GDPD5: variants seen among roughly 807,000 people sequenced by gnomAD.
GDPD5 encodes the protein glycerophosphodiester phosphodiesterase domain containing 5, also known as glycerophosphodiester phosphodiesterase 2.
GDPD5 carries 48 observed loss-of-function variants against 75.1 expected under a neutral mutation model. The ratio of observed to expected loss-of-function variants is 0.64; its 90% CI spans 0.51 to 0.81. The LOEUF (loss-of-function observed/expected upper bound fraction) is 0.81, where lower values mean the gene tolerates loss of function less well. GDPD5 is among the 40% of genes least tolerant of loss of function. The pLI is 0.00. For synonymous variants in GDPD5, 336 were observed against 339.0 expected (o/e 0.99, Z 0.10); for missense variants, 706 against 822.6 (o/e 0.86, Z 1.73).
chr11:75,520,048 C>T (rs893357512), intron 1 of GDPD5, among the ~76,000 whole-genome samples: 4 of 152,208 alleles, frequency 2.6e-5, no homozygotes, highest in Non-Finnish European at 4.4e-5. Context: ...CTGAACCTAG[C>T]TCGGGACCCT....
chr11:75,473,774 G>A (rs1949721650), intron 3 of GDPD5, among the ~76,000 whole-genome samples: 1 of 152,154 alleles, frequency 6.6e-6, no homozygotes, highest in Admixed American at 6.5e-5. Context: ...TGTGCACACA[G>A]TTCCCCCTAC....
At chr11:75,509,785 T>TTC (rs1336132122) in intron 1 of GDPD5, among the ~76,000 whole-genome samples, 1 of 152,186 alleles carries the variant, frequency 6.6e-6, no homozygotes, top group African/African-American at 2.4e-5. Flanking sequence ...GTTCCAGCGA[T>TTC]TCTCCTGCCT....
In GDPD5 at chr11:75,439,734, G is replaced by A. The variant is rs191407053; in HGVS notation, c.1556+145C>T. Reference sequence around the variant, plus strand: ...CCCAGCCTCTGTCTGAGGGAGGATGGGGCCACCGGAGTCCGTCCTTCTTCC... The same window carrying A: ...CCCAGCCTCTGTCTGAGGGAGGATGAGGCCACCGGAGTCCGTCCTTCTTCC... On this transcript the variant is annotated intron_variant, in intron 15 of 16. Transcript: ENST00000336898. 2.2e-5 allele frequency: 15 copies of A among 685,322 alleles called. No individual in the cohort carries two copies. The East Asian group carries it at 3.8e-4, about 17-fold the overall frequency. The allele number at this position is 685,322 out of a possible 1,614,324, so 42.5% of individuals were successfully genotyped here. A position where few individuals can be genotyped will look rare whatever the true frequency, so the allele number is the denominator to read the frequency against.
At position 75,448,925 on chromosome 11, in the gene GDPD5, C is replaced by T. The variant is rs112475196; in HGVS notation, c.714+52G>A. 2.5e-5 allele frequency: 38 copies of T among 1,513,224 alleles called. 1 individual carries two copies. The highest frequency in any genetic ancestry group is 2.3e-4 in the African/African-American group (16 of 69,694). 93.7% of individuals were successfully genotyped at this position (1,513,224 alleles called of 1,614,324 possible). ...ATATCCATTTCCCAAGAAGGTCCCC[C>T]CCATCGCACCCCACCCCAACGGGGC... On this transcript the variant is annotated intron_variant, in intron 9 of 16. Coordinates refer to ENST00000336898, the MANE Select transcript of GDPD5 (RefSeq NM_030792.8).
chr11:75,475,842 G>A (rs954384691), intron 3 of GDPD5, among the ~76,000 whole-genome samples: 2 of 152,154 alleles, frequency 1.3e-5, no homozygotes, highest in African/African-American at 4.8e-5. Flanking sequence ...CCTCAGATTG[G>A]TGACCCAGAC....
Position 75,497,651 on chromosome 11 carries a change from T to C in GDPD5, c.-144-7331A>G, listed in dbSNP as rs113859390. Among the ~76,000 whole-genome samples, 20 of 152,212 alleles carry C rather than the reference T, an allele frequency of 1.3e-4. 2 individuals carry two copies. Among genetic ancestry groups the C allele is most frequent in the African/African-American group, 4.8e-4 (20 of 41,540 alleles). The stretch of plus-strand genomic sequence containing the variant: ...TCTGAGCACAGAATCCCTTATACAA[T>C]AGGTACTCAATACATGGGTATCAGA... On this transcript the variant is annotated intron_variant, in intron 1 of 16. Coordinates refer to ENST00000336898, the MANE Select transcript of GDPD5 (RefSeq NM_030792.8).
intron 1 of GDPD5, among the ~76,000 whole-genome samples, chr11:75,512,318 ACACACACG>A (rs1362810314): frequency 1.3e-5 from 2 of 148,248 alleles, no homozygotes; most frequent in Admixed American, 6.7e-5. Flanking sequence ...ACACACACAC[ACACACACG>A]AGGGGAGAGG....
intron 2 of GDPD5, among the ~76,000 whole-genome samples, chr11:75,488,065 A>T (rs1432847920): frequency 6.6e-6 from 1 of 152,008 alleles, no homozygotes; most frequent in Non-Finnish European, 1.5e-5. Context: ...TGCTGCTCTT[A>T]CTGGTGGTTC....
chr11:75,483,119 T>C (rs1949953252), intron 2 of GDPD5, among the ~76,000 whole-genome samples: 1 of 152,046 alleles, frequency 6.6e-6, no homozygotes, highest in African/African-American at 2.4e-5. Flanking sequence ...GTCCAATCGA[T>C]TTCTCCAAGC....
At chr11:75,447,458 G>A (rs1395013852) in intron 9 of GDPD5, among the ~76,000 whole-genome samples, 1 of 152,032 alleles carries the variant, frequency 6.6e-6, no homozygotes. Context: ...AAGACGATGC[G>A]ATGCCTAAGA....
chr11:75,489,445 A>G (rs1315332798), intron 2 of GDPD5, among the ~76,000 whole-genome samples: 8 of 152,222 alleles, frequency 5.3e-5, no homozygotes, highest in African/African-American at 4.8e-5. Flanking sequence ...TTGGTGACCA[A>G]TGAAAACCGA....
chr11:75,448,653 G>A (rs984757463), intron 9 of GDPD5: 144 of 1,074,676 alleles, frequency 1.3e-4, no homozygotes, highest in Non-Finnish European at 1.5e-4. Context: ...CTGATGCCTG[G>A]TGGCAGACCC....
chr11:75,441,403 C>T, intron 13 of GDPD5, 93 bp from the exon 14 acceptor site: 2 of 1,487,442 alleles, frequency 1.3e-6, no homozygotes, highest in Non-Finnish European at 9.3e-7. Context: ...TTCACGACCT[C>T]ACAGCCATGC....
At chr11:75,441,103 A>C (rs1418793068) in intron 14 of GDPD5, 60 bp downstream of exon 14, 34 of 1,554,332 alleles carry the variant, frequency 2.2e-5, no homozygotes, top group Non-Finnish European at 2.9e-5. Flanking sequence ...CCGAGTGGTC[A>C]GGGCAGGCTA....
At chr11:75,441,078 C>T in intron 14 of GDPD5, 85 bp downstream of exon 14, 1 of 1,400,908 alleles carries the variant, frequency 7.1e-7, no homozygotes, top group East Asian at 2.3e-5. Context: ...GGGACAGCTC[C>T]AAGCACAGAG....
At chr11:75,449,715 A>G in intron 7 of GDPD5, 105 bp from the exon 8 acceptor site, 3 of 1,320,068 alleles carry the variant, frequency 2.3e-6, no homozygotes, top group East Asian at 2.4e-5. Flanking sequence ...CCCTGTCTCC[A>G]TCTGCCAACT....
chr11:75,446,630 G>C (rs1948993559), intron 9 of GDPD5, among the ~76,000 whole-genome samples: 1 of 152,144 alleles, frequency 6.6e-6, no homozygotes, highest in African/African-American at 2.4e-5. Flanking sequence ...ATCTGCATAG[G>C]AACAACACAT....
Position 75,441,784 on chromosome 11 carries a change from C to G in GDPD5, c.1187G>C (p.Arg396Thr). 6.2e-7 allele frequency: 1 copy of G among 1,609,602 alleles called. No homozygotes were observed. The highest frequency in any genetic ancestry group is 8.5e-7 in the Non-Finnish European group (1 of 1,179,758). Residue 396 changes from arginine to threonine, a missense_variant, in exon 13 of 17, where the codon AGG (arginine) becomes ACG (threonine). By Grantham distance (71) the Arg-to-Thr change is moderately conservative. Transcript: ENST00000336898. Reference protein sequence around the residue: ...PQHQVMWLPSRQRPLVRKVAP... With the variant: ...PQHQVMWLPSTQRPLVRKVAP... ...CACCTTCCGCACCAGGGGCCTCTGC[C>G]TGCTAGGCAGCCACATGACCTGCAG... is the stretch of plus-strand genomic sequence containing the variant.
intron 2 of GDPD5, among the ~76,000 whole-genome samples, chr11:75,480,666 C>G (rs1013871560): frequency 6.6e-6 from 1 of 152,114 alleles, no homozygotes; most frequent in Non-Finnish European, 1.5e-5. Context: ...CCAAAGGACA[C>G]CCAGCAGAGC....
Sources: allele counts gnomAD v4.1 joint callset (sites outside exome capture counted in the v4.1 genomes callset), GRCh38; gene constraint gnomAD v4.1.1; transcripts MANE v1.5; gene names NCBI Gene and HGNC (gene_info 2026-07-23, HGNC 2026-07-21).